DAPK1: variants seen among roughly 807,000 people sequenced by gnomAD.
The protein encoded by DAPK1 is death associated protein kinase 1.
A neutral mutation model predicts 144.9 loss-of-function variants in DAPK1; 56 were observed. The ratio of observed to expected loss-of-function variants is 0.39; its 90% CI spans 0.31 to 0.48. The LOEUF (loss-of-function observed/expected upper bound fraction) is 0.48. Among genes scored for constraint, DAPK1 ranks in the 20% least tolerant of loss-of-function variants. The probability of loss-of-function intolerance (pLI) is 0.95; values close to 1 mark genes in which losing one functional copy is unlikely to be tolerated. For missense variants in DAPK1, 1,454 were observed against 1,875.4 expected (o/e 0.78, Z 4.15); for synonymous variants, 690 against 749.0 (o/e 0.92, Z 1.29).
At chr9:87,642,198 C>T in intron 10 of DAPK1, 140 bp downstream of exon 10, 1 of 549,544 alleles carries the variant, frequency 1.8e-6, no homozygotes, top group Non-Finnish European at 3.1e-6. Context: ...TAGTGTTCTG[C>T]ACCATTACTC....
intron 18 of DAPK1, among the ~76,000 whole-genome samples, chr9:87,666,825 G>A (rs1459601802): frequency 6.7e-6 from 1 of 148,648 alleles, no homozygotes; most frequent in Non-Finnish European, 1.5e-5. Flanking sequence ...AGGTTGAACA[G>A]TGGAGAGTTC....
At chr9:87,688,773 A>G (rs1302957460) in intron 21 of DAPK1, among the ~76,000 whole-genome samples, 1 of 151,856 alleles carries the variant, frequency 6.6e-6, no homozygotes, top group Non-Finnish European at 1.5e-5. Context: ...CCACTTTTTA[A>G]TGGGGTTATT....
chr9:87,631,818 A>G (rs940095805), intron 3 of DAPK1, among the ~76,000 whole-genome samples: 5 of 152,234 alleles, frequency 3.3e-5, no homozygotes, highest in Admixed American at 6.5e-5. Context: ...TTGGGGGCCA[A>G]ACAGGGAATA....
chr9:87,524,289 C>T (rs1435630854), intron 2 of DAPK1, among the ~76,000 whole-genome samples: 1 of 152,216 alleles, frequency 6.6e-6, no homozygotes, highest in Admixed American at 6.5e-5. Flanking sequence ...TGCATCTCTC[C>T]TCCCACAGCT....
intron 2 of DAPK1, among the ~76,000 whole-genome samples, chr9:87,581,855 TC>T (rs1393620897): frequency 6.6e-6 from 1 of 152,140 alleles, no homozygotes; most frequent in African/African-American, 2.4e-5. Flanking sequence ...TGCCCTGAGG[TC>T]ATATGTATTT....
intron 2 of DAPK1, among the ~76,000 whole-genome samples, chr9:87,581,043 A>G (rs909171909): frequency 1.3e-5 from 2 of 152,236 alleles, no homozygotes; most frequent in African/African-American, 4.8e-5. Context: ...TGACCCAGTT[A>G]GATAGCTATC....
chr9:87,499,844 G>T (rs1253369787), intron 2 of DAPK1, among the ~76,000 whole-genome samples: 1 of 152,122 alleles, frequency 6.6e-6, no homozygotes, highest in African/African-American at 2.4e-5. Flanking sequence ...TTCTTTCGGG[G>T]CATCTAAGGG....
chr9:87,640,522 C>T (rs1830060807), intron 8 of DAPK1, 72 bp downstream of exon 8: 2 of 1,496,792 alleles, frequency 1.3e-6, no homozygotes, highest in East Asian at 2.3e-5. Flanking sequence ...CTGTTCCATG[C>T]ACAGGGCCAC....
chr9:87,563,541 C>T, intron 2 of DAPK1, among the ~76,000 whole-genome samples: 1 of 152,202 alleles, frequency 6.6e-6, no homozygotes, highest in East Asian at 1.9e-4. Context: ...CAGAGTCTTG[C>T]AGAGAGACAT....
intron 18 of DAPK1, among the ~76,000 whole-genome samples, chr9:87,659,851 G>A (rs555314583): frequency 1.1e-4 from 17 of 152,256 alleles, no homozygotes; most frequent in East Asian, 3.9e-4. Flanking sequence ...CGCACACACC[G>A]GGGGCACAGT....
intron 2 of DAPK1, among the ~76,000 whole-genome samples, chr9:87,505,992 G>T (rs79213339): frequency 2.6e-5 from 4 of 152,154 alleles, no homozygotes; most frequent in Admixed American, 6.5e-5. Context: ...GTGCCTGGCC[G>T]GGACTTTGAC....
At chr9:87,680,903 C>A (rs1053467149) in intron 19 of DAPK1, among the ~76,000 whole-genome samples, 1 of 152,140 alleles carries the variant, frequency 6.6e-6, no homozygotes, top group African/African-American at 2.4e-5. Context: ...ACACTAAAAG[C>A]CTCTGAATTT....
At position 87,497,974 on chromosome 9, in the gene DAPK1, T is replaced by A; in HGVS notation, c.-242T>A. ...AGCGGCAGGGTCTGGGGCCGGCGCC[T>A]GGGAGGGATCTGCGCCCCCCACTCA... On this transcript the variant is annotated 5_prime_UTR_variant, in exon 1 of 26. Coordinates refer to ENST00000408954, the MANE Select transcript of DAPK1 (RefSeq NM_004938.4). The A allele has an allele frequency of 2.5e-6, 1 of 397,022 alleles. No homozygotes were observed. Among genetic ancestry groups the A allele is most frequent in the Non-Finnish European group, 4.4e-6 (1 of 225,454 alleles). The allele number at this position is 397,022 out of a possible 1,614,324, so 24.6% of individuals were successfully genotyped here. A position where few individuals can be genotyped will look rare whatever the true frequency, so the allele number is the denominator to read the frequency against.
chr9:87,596,287 C>T (rs939672660), intron 2 of DAPK1, among the ~76,000 whole-genome samples: 1 of 152,214 alleles, frequency 6.6e-6, no homozygotes, highest in African/African-American at 2.4e-5. Flanking sequence ...TGGGCATTCA[C>T]ACCAGGCAGG....
intron 21 of DAPK1, among the ~76,000 whole-genome samples, chr9:87,693,947 A>G (rs960437917): frequency 6.6e-6 from 1 of 152,084 alleles, no homozygotes; most frequent in Non-Finnish European, 1.5e-5. Context: ...CTCAGAACCT[A>G]GTGGTGGCAG....
At chr9:87,583,354 C>T (rs554804928) in intron 2 of DAPK1, among the ~76,000 whole-genome samples, 260 of 152,246 alleles carry the variant, frequency 1.7e-3, no homozygotes, top group Admixed American at 4.6e-3. Context: ...TCCAGTTGTT[C>T]CTCAGCATAT....
intron 19 of DAPK1, 123 bp downstream of exon 19, chr9:87,668,797 G>A (rs1831152236): frequency 1.4e-6 from 1 of 738,158 alleles, no homozygotes; most frequent in South Asian, 1.5e-5. Context: ...TAGGAACAGT[G>A]GTCCCTGTCC....
At chr9:87,539,842 C>T (rs1342287912) in intron 2 of DAPK1, among the ~76,000 whole-genome samples, 1 of 152,114 alleles carries the variant, frequency 6.6e-6, no homozygotes, top group African/African-American at 2.4e-5. Flanking sequence ...TCTGCACTCC[C>T]TGCCTGTTAG....
intron 8 of DAPK1, 67 bp downstream of exon 8, chr9:87,640,517 C>A: frequency 6.6e-7 from 1 of 1,519,296 alleles, no homozygotes. Context: ...TGTGTCTGTT[C>A]CATGCACAGG....
Sources: gnomAD v4.1 joint callset for allele counts (sites outside exome capture counted in the v4.1 genomes callset) on GRCh38, gnomAD v4.1.1 for gene constraint, MANE v1.5 for transcripts, NCBI Gene and HGNC (gene_info 2026-07-23, HGNC 2026-07-21) for gene names.